The following NET1 variants were observed in gnomAD, a reference collection of about 807,000 sequenced individuals.
The protein encoded by NET1 is neuroepithelial cell-transforming gene 1 protein.
In NET1, 42 loss-of-function variants were observed where a neutral mutation model predicts 61.1. The ratio of observed to expected loss-of-function variants is 0.69; its 90% CI spans 0.54 to 0.89. NET1 has a LOEUF of 0.89. Among genes scored for constraint, NET1 ranks in the 40% least tolerant of loss-of-function variants. NET1 has a pLI of 0.00. For missense variants in NET1, 654 were observed against 747.3 expected, an observed-to-expected ratio of 0.88 and a Z score of 1.46; for synonymous variants, 254 against 281.8, an observed-to-expected ratio of 0.90 and a Z score of 0.99.
Position 5,455,228 on chromosome 10 carries a change from G to C in NET1, c.1197+110G>C. ...AAGGGAAAGTCATGACATAGTAAAA[G>C]AAGGTTGCCAATTTTAATTTTATAT... On this transcript the variant is annotated intron_variant, in intron 10 of 11. Transcript: ENST00000355029. The surrounding 1 kb of genome is among the most constrained non-coding windows in gnomAD (Gnocchi z 6.5). 8.9e-6 allele frequency: 9 copies of C among 1,016,066 alleles called. No individual in the cohort carries two copies. In the South Asian group the frequency reaches 1.5e-4, roughly 17 times the overall value. 62.9% of individuals were successfully genotyped at this position (1,016,066 alleles called of 1,614,324 possible).
rs930260227 is a variant in NET1 at position 5,422,032 on chromosome 10, A to G, written c.129-4623A>G. Reference sequence around the variant, plus strand: ...TGGTGCTTTTATGGATAATGCTGCTATGAACATTTGCATGTAAGTCTTAGT... The same window carrying G: ...TGGTGCTTTTATGGATAATGCTGCTGTGAACATTTGCATGTAAGTCTTAGT... On this transcript the variant is annotated intron_variant, in intron 1 of 11. Coordinates refer to ENST00000355029, the MANE Select transcript of NET1 (RefSeq NM_001047160.3). This position sits in a 1 kb window ranked among gnomAD's most constrained non-coding sequence, Gnocchi z 4.1. Among the ~76,000 whole-genome samples the G allele has an allele frequency of 6.6e-6, 1 of 152,208 alleles. No homozygotes were observed. The highest frequency in any genetic ancestry group is 2.1e-4 in the South Asian group (1 of 4,830).
At position 5,446,556 on chromosome 10, in the gene NET1, GC is replaced by G; in HGVS notation, c.256-5273del. On this transcript the variant is annotated intron_variant, in intron 3 of 11. Transcript: ENST00000355029. This position sits in a 1 kb window ranked among gnomAD's most constrained non-coding sequence, Gnocchi z 5.0. ...GGACCCCGCCCCCAGGGCCCGGTTG[GC>G]TGTGGCCCCGCCCCCGAGCCCTGGG... 2 of 1,158,992 alleles carry G rather than the reference GC, an allele frequency of 1.7e-6. No homozygotes were observed. The highest frequency in any genetic ancestry group is 2.1e-6 in the Non-Finnish European group (2 of 941,864). 71.8% of individuals were successfully genotyped at this position (1,158,992 alleles called of 1,614,324 possible).
rs1402033243 is a variant in NET1 at position 5,443,927 on chromosome 10, A to C, written c.256-7903A>C. Among the ~76,000 whole-genome samples the C allele has an allele frequency of 1.3e-5, 2 of 152,202 alleles. No homozygotes were observed. The highest frequency in any genetic ancestry group is 2.9e-5 in the Non-Finnish European group (2 of 68,038). ...GCTTCTTTCCTAACTCCCACTGCAC[A>C]TAATCCTTTATTCCCTTAGAAACTA... On this transcript the variant is annotated intron_variant, in intron 3 of 11. Coordinates refer to ENST00000355029, the MANE Select transcript of NET1 (RefSeq NM_001047160.3). This position sits in a 1 kb window ranked among gnomAD's most constrained non-coding sequence, Gnocchi z 4.8.
In NET1 at chr10:5,417,245, C is replaced by T. The variant is rs1025458966; in HGVS notation, c.128+4425C>T. On this transcript the variant is annotated intron_variant, in intron 1 of 11. Coordinates refer to ENST00000355029, the MANE Select transcript of NET1 (RefSeq NM_001047160.3). The surrounding 1 kb of genome is among the most constrained non-coding windows in gnomAD (Gnocchi z 5.5). Reference sequence around the variant, plus strand: ...CCTGTGTGTCTGCCTGCTAGGGTCTCGGGGGGTTTTTATAGGCACAGGTGG... The same window carrying T: ...CCTGTGTGTCTGCCTGCTAGGGTCTTGGGGGGTTTTTATAGGCACAGGTGG... 2.6e-5 allele frequency among the ~76,000 whole-genome samples: 4 copies of T among 151,782 alleles called. No homozygotes were observed. Among genetic ancestry groups the T allele is most frequent in the South Asian group, 2.1e-4 (1 of 4,794 alleles).
intron 3 of NET1, among the ~76,000 whole-genome samples, chr10:5,430,518 G>T (rs1431813177): frequency 6.6e-6 from 1 of 151,934 alleles, no homozygotes; most frequent in East Asian, 1.9e-4. Context: ...GAGATTACAG[G>T]TGTGTGCCAC....
At chr10:5,445,866 G>T (rs933031054) in intron 3 of NET1, among the ~76,000 whole-genome samples, 5 of 152,126 alleles carry the variant, frequency 3.3e-5, no homozygotes, top group African/African-American at 4.8e-5. Flanking sequence ...GAAGGACCCT[G>T]TTATATTATA....
At position 5,415,762 on chromosome 10, in the gene NET1, T is replaced by C. The variant is rs1391589507; in HGVS notation, c.128+2942T>C. On this transcript the variant is annotated intron_variant, in intron 1 of 11. Coordinates refer to ENST00000355029, the MANE Select transcript of NET1 (RefSeq NM_001047160.3). The surrounding 1 kb of genome is among the most constrained non-coding windows in gnomAD (Gnocchi z 4.7). ...CCCTGTTCATTTTTAAATTTCTTTT[T>C]TATTGAGTTGTTAAGAGTTCTTTAT... Among the ~76,000 whole-genome samples the C allele has an allele frequency of 2.0e-5, 3 of 152,186 alleles. No individual in the cohort carries two copies. Among genetic ancestry groups the C allele is most frequent in the Admixed American group, 6.5e-5 (1 of 15,286 alleles).
rs1223377293 is a variant in NET1, at chr10:5,451,393, T to C, written c.256-437T>C. On this transcript the variant is annotated intron_variant, in intron 3 of 11. Coordinates refer to ENST00000355029, the MANE Select transcript of NET1 (RefSeq NM_001047160.3). The surrounding 1 kb of genome is among the most constrained non-coding windows in gnomAD (Gnocchi z 6.1). ...TAAAACATTTAAGTAGGGACAAAAA[T>C]GAAACAAATTGTTATACCAGACACT... Among the ~76,000 whole-genome samples, 2 of 152,058 alleles carry C rather than the reference T, an allele frequency of 1.3e-5. No individual in the cohort carries two copies. Among genetic ancestry groups the C allele is most frequent in the Non-Finnish European group, 2.9e-5 (2 of 68,018 alleles).
rs1358985013 is a variant in NET1, at chr10:5,458,163, G to A, written c.*1169G>A. The stretch of plus-strand genomic sequence containing the variant: ...TGAGTTTGAAAAGAAACAATGAAAT[G>A]TGTTAAAAATTTGACCATATTAGAT... On this transcript the variant is annotated 3_prime_UTR_variant, in exon 12 of 12. Coordinates refer to ENST00000355029, the MANE Select transcript of NET1 (RefSeq NM_001047160.3). This position sits in a 1 kb window ranked among gnomAD's most constrained non-coding sequence, Gnocchi z 4.5. 6.6e-6 allele frequency: 1 copy of A among 152,138 alleles called. No individual in the cohort carries two copies. The highest frequency in any genetic ancestry group is 2.4e-5 in the African/African-American group (1 of 41,414). 9.4% of individuals were successfully genotyped at this position (152,138 alleles called of 1,614,324 possible). A position where few individuals can be genotyped will look rare whatever the true frequency, so the allele number is the denominator to read the frequency against.
chr10:5,456,182 C>T lies in NET1; in HGVS notation c.1293C>T (p.Ile431=), dbSNP rs142095506. Reference sequence around the variant, plus strand: ...CTTACCAGGTTTACCGGCAGCCAATCCCAGTCCAAGAGCTAGTCCTAGAAG... The same window carrying T: ...CTTACCAGGTTTACCGGCAGCCAATTCCAGTCCAAGAGCTAGTCCTAGAAG... ...RHSYQVYRQP[I]PVQELVLEDL... The change falls in exon 11 of 12, where the codon ATC becomes ATT. Residue 431 remains isoleucine, a synonymous_variant. Transcript: ENST00000355029. The surrounding 1 kb of genome is among the most constrained non-coding windows in gnomAD (Gnocchi z 7.0). The T allele has an allele frequency of 4.3e-5, 69 of 1,614,184 alleles. No homozygotes were observed. In the African/African-American group the frequency reaches 8.7e-4, roughly 20 times the overall value.
intron 1 of NET1, among the ~76,000 whole-genome samples, chr10:5,425,338 T>G (rs1222058710): frequency 6.6e-6 from 1 of 152,236 alleles, no homozygotes; most frequent in East Asian, 1.9e-4. Flanking sequence ...TGATTTGGTT[T>G]AAGCTTGTAC....
In NET1 at chr10:5,412,691, C is replaced by T; in HGVS notation, c.-2C>T. On this transcript the variant is annotated 5_prime_UTR_variant, in exon 1 of 12. Coordinates refer to ENST00000355029, the MANE Select transcript of NET1 (RefSeq NM_001047160.3). This position sits in a 1 kb window ranked among gnomAD's most constrained non-coding sequence, Gnocchi z 6.5. ...CCACCGCCCCACCCCCTCCTCCGTG[C>T]CATGGAGCCCGAGCTGGCGGCTCAG... The T allele has an allele frequency of 2.7e-6, 4 of 1,471,388 alleles. No individual in the cohort carries two copies. The highest frequency in any genetic ancestry group is 3.6e-6 in the Non-Finnish European group (4 of 1,121,530). The allele number at this position is 1,471,388 out of a possible 1,614,324, so 91.1% of individuals were successfully genotyped here.
chr10:5,412,758 G>T lies in NET1; in HGVS notation c.66G>T (p.Gly22=). The T allele has an allele frequency of 2.7e-6, 4 of 1,477,580 alleles. No homozygotes were observed. Among genetic ancestry groups the T allele is most frequent in the Non-Finnish European group, 3.6e-6 (4 of 1,119,712 alleles). The allele number at this position is 1,477,580 out of a possible 1,614,324, so 91.5% of individuals were successfully genotyped here. ...RPRRRSRRAS[G]LSTEGATGPS... Reference sequence around the variant, plus strand: ...GGAGGCGAAGCCGCCGGGCCTCTGGGCTCAGCACGGAGGGAGCGACGGGGC... The same window carrying T: ...GGAGGCGAAGCCGCCGGGCCTCTGGTCTCAGCACGGAGGGAGCGACGGGGC... Residue 22 remains glycine (G), a synonymous_variant, in exon 1 of 12, where the codon GGG becomes GGT. Transcript: ENST00000355029. The surrounding 1 kb of genome is among the most constrained non-coding windows in gnomAD (Gnocchi z 6.5).
rs11558826 is a variant in NET1 at position 5,453,468 on chromosome 10, T to C, written c.692-16T>C. On this transcript the variant is annotated splice_polypyrimidine_tract_variant and intron_variant, in intron 7 of 11. Coordinates refer to ENST00000355029, the MANE Select transcript of NET1 (RefSeq NM_001047160.3). The surrounding 1 kb of genome is among the most constrained non-coding windows in gnomAD (Gnocchi z 4.9). ...ATAAACCTGTTAATGGTGTTTATGC[T>C]TTTTTATCACTTCAGATTTGTTGAC... The C allele has an allele frequency of 6.2e-7, 1 of 1,613,574 alleles. No homozygotes were observed. The highest frequency in any genetic ancestry group is 8.5e-7 in the Non-Finnish European group (1 of 1,179,476).
chr10:5,442,250 G>A (rs1292985716), intron 3 of NET1, among the ~76,000 whole-genome samples: 1 of 152,200 alleles, frequency 6.6e-6, no homozygotes, highest in African/African-American at 2.4e-5. Context: ...AATATCTCGT[G>A]TAGAGGGCAG....
In NET1 at chr10:5,430,651, G is replaced by A. The variant is rs867547510; in HGVS notation, c.255+1422G>A. On this transcript the variant is annotated intron_variant, in intron 3 of 11. Transcript: ENST00000355029. ...GATTACAGGTGTGAGTCACCATGCC[G>A]GACCTTAGATAAGAACTTTTTAAAA... 7.9e-5 allele frequency among the ~76,000 whole-genome samples: 12 copies of A among 151,458 alleles called. No individual in the cohort carries two copies. In the South Asian group the frequency reaches 1.5e-3, roughly 19 times the overall value.
rs570433188 is a variant in NET1 at position 5,453,834 on chromosome 10, T to C, written c.768+274T>C. Among the ~76,000 whole-genome samples the C allele has an allele frequency of 7.9e-5, 12 of 152,234 alleles. No individual in the cohort carries two copies. Among genetic ancestry groups the C allele is most frequent in the Middle Eastern group, 3.4e-3 (1 of 292 alleles). ...ATGTGTGATTATCCGTTGCATTCTG[T>C]CATGTATGTTTAAGCGCATGCCAAA... is the stretch of plus-strand genomic sequence containing the variant. On this transcript the variant is annotated intron_variant, in intron 8 of 11. Coordinates refer to ENST00000355029, the MANE Select transcript of NET1 (RefSeq NM_001047160.3). The surrounding 1 kb of genome is among the most constrained non-coding windows in gnomAD (Gnocchi z 4.9).
intron 3 of NET1, among the ~76,000 whole-genome samples, chr10:5,448,853 C>A (rs538918418): frequency 6.6e-6 from 1 of 152,158 alleles, no homozygotes; most frequent in Admixed American, 6.5e-5. Flanking sequence ...TTCCACTCCC[C>A]CTTCATCACC....
chr10:5,412,914 G>A lies in NET1; in HGVS notation c.128+94G>A. The A allele has an allele frequency of 8.5e-7, 1 of 1,175,082 alleles. No homozygotes were observed. Among genetic ancestry groups the A allele is most frequent in the Non-Finnish European group, 1.1e-6 (1 of 932,644 alleles). 72.8% of individuals were successfully genotyped at this position (1,175,082 alleles called of 1,614,324 possible). On this transcript the variant is annotated intron_variant, in intron 1 of 11. Transcript: ENST00000355029. This position sits in a 1 kb window ranked among gnomAD's most constrained non-coding sequence, Gnocchi z 6.5. Reference sequence around the variant, plus strand: ...GAGTGTTGGAGAGGCAAGGGCCGGGGGGAGGGGAGGGCTGGCCGGGAGTTG... The same window carrying A: ...GAGTGTTGGAGAGGCAAGGGCCGGGAGGAGGGGAGGGCTGGCCGGGAGTTG...
Sources: gnomAD v4.1 joint callset for allele counts (sites outside exome capture counted in the v4.1 genomes callset) on GRCh38, gnomAD v4.1.1 for gene constraint, Gnocchi (gnomAD v3.1) non-coding constraint, MANE v1.5 for transcripts, NCBI Gene and HGNC (gene_info 2026-07-23, HGNC 2026-07-21) for gene names.